The following NAV3 variants were observed in gnomAD, a reference collection of about 807,000 sequenced individuals.
NAV3 encodes pore membrane and/or filament interacting like protein 1.
In NAV3, 87 loss-of-function variants were observed where a neutral mutation model predicts 244.7. The ratio of observed to expected loss-of-function variants is 0.36; its 90% CI spans 0.30 to 0.42. The LOEUF is 0.42. Among genes scored for constraint, NAV3 ranks in the 20% least tolerant of loss-of-function variants. NAV3 has a pLI of 1.00. For missense variants in NAV3, 2,663 were observed against 2,893.3 expected (o/e 0.92, Z 1.83); for synonymous variants, 1,126 against 1,042.2 (o/e 1.08, Z -1.55).
intron 5 of NAV3, among the ~76,000 whole-genome samples, chr12:77,982,334 A>G (rs1192558230): frequency 3.2e-5 from 2 of 62,504 alleles, no homozygotes; most frequent in Admixed American, 1.9e-4. Context: ...ATTGGCCCTC[A>G]CCATGAGCCA....
intron 1 of NAV3, among the ~76,000 whole-genome samples, chr12:77,937,921 T>C (rs1889477329): frequency 6.6e-6 from 1 of 152,196 alleles, no homozygotes; most frequent in Non-Finnish European, 1.5e-5. Flanking sequence ...TATTTAGTCC[T>C]GGCACAATCC....
rs147999545 is a variant in NAV3, at chr12:77,885,570, T to C, written c.243+53866T>C. 4.6e-3 allele frequency among the ~76,000 whole-genome samples: 697 copies of C among 152,242 alleles called. 1 individual carries two copies. The highest frequency in any genetic ancestry group is 6.7e-3 in the Admixed American group (102 of 15,262). ...TTGTATCTGCCCTAAAGGAGTATTT[T>C]TGTGAATCAAAAATTTTAAGAAAAT... On this transcript the variant is annotated intron_variant, in intron 1 of 39. Transcript: ENST00000397909.
At chr12:77,695,370 A>G (rs1875247785) in intron 2 of NAV3, among the ~76,000 whole-genome samples, 1 of 152,136 alleles carries the variant, frequency 6.6e-6, no homozygotes. Flanking sequence ...CTGCATACGA[A>G]TATCCAGTTT....
intron 1 of NAV3, among the ~76,000 whole-genome samples, chr12:77,860,094 G>T (rs1373922235): frequency 6.6e-6 from 1 of 151,796 alleles, no homozygotes. Context: ...GAAGAATATT[G>T]TAAGTAGCAT....
chr12:77,683,167 A>G (rs1319374383), intron 2 of NAV3, among the ~76,000 whole-genome samples: 1 of 152,016 alleles, frequency 6.6e-6, no homozygotes, highest in African/African-American at 2.4e-5. Context: ...GAGTTCTTTA[A>G]TCCAGTTTGA....
chr12:77,925,675 A>C (rs2137236504), intron 1 of NAV3, among the ~76,000 whole-genome samples: 1 of 152,254 alleles, frequency 6.6e-6, no homozygotes, highest in African/African-American at 2.4e-5. Context: ...AGCCACTGTT[A>C]GCCGATGGTC....
chr12:77,754,210 C>G (rs1006142207), intron 2 of NAV3, among the ~76,000 whole-genome samples: 2 of 152,090 alleles, frequency 1.3e-5, no homozygotes, highest in Non-Finnish European at 2.9e-5. Flanking sequence ...CATTTACTCT[C>G]AGGTGCTCCA....
rs536952286 is a variant in NAV3, at chr12:78,111,152, G to T, written c.2637-5620G>T. Among the ~76,000 whole-genome samples, 134 of 152,184 alleles carry T rather than the reference G, an allele frequency of 8.8e-4. 2 individuals are homozygous for T. The South Asian group carries it at 0.027, about 31-fold the overall frequency. On this transcript the variant is annotated intron_variant, in intron 12 of 39. Coordinates refer to ENST00000397909, the MANE Select transcript of NAV3 (RefSeq NM_001024383.2). ...CAGTTAACAAAATGTATTATACTCAGGTGATGAACACCTAAATACTTGATC... is the reference window on the plus strand; with the variant it reads ...CAGTTAACAAAATGTATTATACTCATGTGATGAACACCTAAATACTTGATC...
intron 2 of NAV3, among the ~76,000 whole-genome samples, chr12:77,824,726 C>T (rs1372972356): frequency 6.6e-6 from 1 of 151,784 alleles, no homozygotes; most frequent in South Asian, 2.1e-4. Context: ...AACCCTGTAT[C>T]TACTAAAAAC....
intron 5 of NAV3, among the ~76,000 whole-genome samples, chr12:77,985,562 T>G (rs1870351763): frequency 6.7e-6 from 1 of 150,130 alleles, no homozygotes; most frequent in Non-Finnish European, 1.5e-5. Flanking sequence ...TTTCTATTTC[T>G]TTCTCTACTT....
chr12:77,693,888 C>T (rs1875158073), intron 2 of NAV3, among the ~76,000 whole-genome samples: 2 of 151,980 alleles, frequency 1.3e-5, no homozygotes, highest in African/African-American at 4.8e-5. Context: ...AAGACATCTG[C>T]CTGTGTTTAC....
intron 1 of NAV3, among the ~76,000 whole-genome samples, chr12:77,859,782 A>G: frequency 1.4e-5 from 2 of 142,116 alleles, no homozygotes; most frequent in Non-Finnish European, 1.5e-5. Context: ...AAAAAAAAAG[A>G]CTAAATTGAT....
At chr12:78,125,603 T>C (rs543558536) in intron 16 of NAV3, among the ~76,000 whole-genome samples, 1 of 152,340 alleles carries the variant, frequency 6.6e-6, no homozygotes, top group East Asian at 1.9e-4. Context: ...CTAGAAACTA[T>C]TGGCTCTAGG....
chr12:77,989,025 G>T (rs1030842592), intron 5 of NAV3, among the ~76,000 whole-genome samples: 2 of 152,106 alleles, frequency 1.3e-5, no homozygotes, highest in South Asian at 4.1e-4. Context: ...GGGAGAGATT[G>T]ATCATGTGAA....
intron 7 of NAV3, 69 bp downstream of exon 7, chr12:77,998,545 T>C: frequency 6.8e-7 from 1 of 1,460,872 alleles, no homozygotes; most frequent in Non-Finnish European, 9.1e-7. Flanking sequence ...CTAAATCTAA[T>C]ATTTGAGCAG....
chr12:78,066,166 A>G (rs1884999983), intron 12 of NAV3, among the ~76,000 whole-genome samples: 1 of 152,094 alleles, frequency 6.6e-6, no homozygotes, highest in Admixed American at 6.6e-5. Flanking sequence ...CCTATGAACC[A>G]GCAATCAGGC....
intron 1 of NAV3, among the ~76,000 whole-genome samples, chr12:77,873,749 T>TAC (rs1881402500): frequency 9.0e-6 from 1 of 110,530 alleles, no homozygotes; most frequent in Non-Finnish European, 2.1e-5. Flanking sequence ...TGTGTGTATA[T>TAC]ATATATATAT....
At chr12:77,876,021 TC>T (rs903074116) in intron 1 of NAV3, among the ~76,000 whole-genome samples, 1 of 152,056 alleles carries the variant, frequency 6.6e-6, no homozygotes, top group Non-Finnish European at 1.5e-5. Context: ...TGTTCTTATT[TC>T]CATCTAAATA....
At chr12:78,178,639 T>A (rs1388578236) in intron 28 of NAV3, among the ~76,000 whole-genome samples, 1 of 152,092 alleles carries the variant, frequency 6.6e-6, no homozygotes, top group Non-Finnish European at 1.5e-5. Context: ...AAATCTAATT[T>A]CCTTGTATGC....
Sources: gnomAD v4.1 joint callset for allele counts (sites outside exome capture counted in the v4.1 genomes callset) on GRCh38, gnomAD v4.1.1 for gene constraint, MANE v1.5 for transcripts, NCBI Gene and HGNC (gene_info 2026-07-23, HGNC 2026-07-21) for gene names.